Variants in SUPT3H observed in about 807,000 individuals in gnomAD.
SUPT3H encodes SPT3 homolog, SAGA and STAGA complex component, also known as transcription initiation protein SPT3 homolog.
Under a neutral mutation model 44.3 loss-of-function variants are expected in SUPT3H, and 44 were observed. The observed-to-expected ratio is 0.99, with a 90% CI of 0.78 to 1.28. The LOEUF (loss-of-function observed/expected upper bound fraction) is 1.28, where lower values mean the gene tolerates loss of function less well. Among genes scored for constraint, SUPT3H ranks in the 50% most tolerant of loss-of-function variants. The pLI is 0.00. For missense variants in SUPT3H, 380 were observed against 387.1 expected (o/e 0.98, Z 0.15); for synonymous variants, 124 against 125.6 (o/e 0.99, Z 0.09).
chr6:45,055,535 G>C (rs1213481307), intron 3 of SUPT3H, among the ~76,000 whole-genome samples: 1 of 152,074 alleles, frequency 6.6e-6, no homozygotes, highest in African/African-American at 2.4e-5. Context: ...ACAGCCAACT[G>C]ATCTTCGACA....
intron 2 of SUPT3H, among the ~76,000 whole-genome samples, chr6:45,322,210 G>A (rs1287542063): frequency 6.6e-6 from 1 of 151,792 alleles, no homozygotes; most frequent in Non-Finnish European, 1.5e-5. Context: ...GCTGAATAAA[G>A]TTTTAATCAT....
intron 2 of SUPT3H, among the ~76,000 whole-genome samples, chr6:45,329,215 C>G (rs1786963783): frequency 6.6e-6 from 1 of 151,808 alleles, no homozygotes; most frequent in African/African-American, 2.4e-5. Flanking sequence ...AATAACAGAC[C>G]ACAGAATTAT....
intron 10 of SUPT3H, among the ~76,000 whole-genome samples, chr6:44,927,752 T>C (rs1430309821): frequency 6.6e-6 from 1 of 152,194 alleles, no homozygotes; most frequent in Non-Finnish European, 1.5e-5. Flanking sequence ...AATTTTTACA[T>C]GGTATTTAAA....
chr6:45,272,879 T>C (rs556901704), intron 2 of SUPT3H, among the ~76,000 whole-genome samples: 39 of 152,332 alleles, frequency 2.6e-4, no homozygotes, highest in African/African-American at 8.7e-4. Context: ...TGCCATGACT[T>C]CTGCTCTTGA....
chr6:44,904,468 T>C (rs1237499811), intron 10 of SUPT3H, among the ~76,000 whole-genome samples: 1 of 152,084 alleles, frequency 6.6e-6, no homozygotes, highest in African/African-American at 2.4e-5. Flanking sequence ...ACAAGGGACA[T>C]GAAGGACCTC....
chr6:45,039,048 A>T (rs918292505), intron 3 of SUPT3H, among the ~76,000 whole-genome samples: 1 of 152,180 alleles, frequency 6.6e-6, no homozygotes, highest in East Asian at 1.9e-4. Flanking sequence ...GATTTGAAAG[A>T]GCTATTTCAC....
chr6:44,974,323 G>GTGTT (rs1331903842), intron 6 of SUPT3H, among the ~76,000 whole-genome samples: 1 of 133,800 alleles, frequency 7.5e-6, no homozygotes, highest in African/African-American at 2.5e-5. Context: ...TAAATTGTGT[G>GTGTT]TGTTTGTGTT....
At chr6:45,354,463 CT>C (rs1195427877) in intron 2 of SUPT3H, among the ~76,000 whole-genome samples, 7 of 152,080 alleles carry the variant, frequency 4.6e-5, no homozygotes. Context: ...ATCATAGATG[CT>C]TTTATGATCT....
At chr6:45,221,740 A>G (rs1766096734) in intron 2 of SUPT3H, among the ~76,000 whole-genome samples, 3 of 152,146 alleles carry the variant, frequency 2.0e-5, no homozygotes, top group Non-Finnish European at 2.9e-5. Flanking sequence ...GCTTATTCTA[A>G]TTTGTAGTGC....
rs1807681271 is a variant in SUPT3H at position 45,155,577 on chromosome 6, G to A, written c.102-49571C>T. ...CAAGGAAGGGACTATTATCATCCTTGCTTTAAACTATAAGCTAAATTCCTC... is the reference window on the plus strand; with the variant it reads ...CAAGGAAGGGACTATTATCATCCTTACTTTAAACTATAAGCTAAATTCCTC... On this transcript the variant is annotated intron_variant, in intron 2 of 10. Transcript: ENST00000371459. Among the ~76,000 whole-genome samples the A allele has an allele frequency of 2.6e-5, 4 of 152,158 alleles. 1 individual carries two copies. Among genetic ancestry groups the A allele is most frequent in the Non-Finnish European group, 5.9e-5 (4 of 68,014 alleles).
intron 2 of SUPT3H, among the ~76,000 whole-genome samples, chr6:45,232,400 C>T (rs1768226076): frequency 6.6e-6 from 1 of 152,182 alleles, no homozygotes; most frequent in South Asian, 2.1e-4. Context: ...TTGTTGAAGA[C>T]AGAGATGCCA....
Position 45,293,600 on chromosome 6 carries a change from TAAGAA to T in SUPT3H, c.101+71596_101+71600del, listed in dbSNP as rs1176188416. On this transcript the variant is annotated intron_variant, in intron 2 of 10. Coordinates refer to ENST00000371459, the MANE Select transcript of SUPT3H (RefSeq NM_003599.4). ...CTGAGAGACCATTAACAAGATTAAC[TAAGAA>T]AAGAAGAGAGAAAATCGATATAAGC... 6.6e-5 allele frequency among the ~76,000 whole-genome samples: 10 copies of T among 151,966 alleles called. No individual in the cohort carries two copies. In the East Asian group the frequency reaches 7.7e-4, roughly 12 times the overall value.
intron 2 of SUPT3H, among the ~76,000 whole-genome samples, chr6:45,307,471 G>A (rs1783227989): frequency 6.6e-6 from 1 of 152,210 alleles, no homozygotes; most frequent in Non-Finnish European, 1.5e-5. Flanking sequence ...AATATACGCT[G>A]TTCTGCAGCC....
rs982044566 is a variant in SUPT3H at position 44,879,248 on chromosome 6, G to A, written c.913-49391C>T. ...ATTCGAGCTTGGTGGTGGGAGGGGC[G>A]TCCACCATTACTGAGGCTTGAGTAG... is the stretch of plus-strand genomic sequence containing the variant. On this transcript the variant is annotated intron_variant, in intron 10 of 10. Transcript: ENST00000371459. Among the ~76,000 whole-genome samples, 6 of 152,258 alleles carry A rather than the reference G, an allele frequency of 3.9e-5. No homozygotes were observed. The East Asian group carries it at 7.7e-4, about 20-fold the overall frequency.
intron 3 of SUPT3H, among the ~76,000 whole-genome samples, chr6:45,071,276 C>T (rs995067724): frequency 6.8e-6 from 1 of 147,326 alleles, no homozygotes; most frequent in Non-Finnish European, 1.5e-5. Flanking sequence ...TCCCCAGACC[C>T]ACATCAAGAA....
At chr6:45,304,877 CT>C (rs1460861438) in intron 2 of SUPT3H, among the ~76,000 whole-genome samples, 1 of 152,084 alleles carries the variant, frequency 6.6e-6, no homozygotes, top group Non-Finnish European at 1.5e-5. Context: ...CACTTGAGCA[CT>C]AAAAGAACAC....
Position 44,874,922 on chromosome 6 carries a change from T to C in SUPT3H, c.913-45065A>G, listed in dbSNP as rs1166747375. On this transcript the variant is annotated intron_variant, in intron 10 of 10. Transcript: ENST00000371459. ...CACAATTGCTTCAAAGAGAATAAAA[T>C]ACCTAGGAATCCAACTTACAAGGGA... 7.9e-3 allele frequency among the ~76,000 whole-genome samples: 1,120 copies of C among 140,900 alleles called. 19 individuals carry two copies. Among genetic ancestry groups the C allele is most frequent in the Non-Finnish European group, 0.012 (797 of 64,966 alleles). 92.4% of individuals were successfully genotyped at this position (140,900 alleles called of 152,430 possible).
chr6:44,993,608 T>C (rs1780889960), intron 6 of SUPT3H, among the ~76,000 whole-genome samples: 1 of 152,060 alleles, frequency 6.6e-6, no homozygotes, highest in Non-Finnish European at 1.5e-5. Context: ...ACATATTACA[T>C]CTATTTTGGG....
At chr6:45,024,190 T>A (rs1050200068) in intron 3 of SUPT3H, among the ~76,000 whole-genome samples, 1 of 152,194 alleles carries the variant, frequency 6.6e-6, no homozygotes, top group African/African-American at 2.4e-5. Context: ...AAAACTCATG[T>A]TTACATTTTA....
Sources: allele counts gnomAD v4.1 joint callset (sites outside exome capture counted in the v4.1 genomes callset), GRCh38; gene constraint gnomAD v4.1.1; transcripts MANE v1.5; gene names NCBI Gene and HGNC (gene_info 2026-07-23, HGNC 2026-07-21).